Variants in ARHGEF9 observed in about 807,000 individuals in gnomAD.
ARHGEF9 encodes rho guanine nucleotide exchange factor 9.
A neutral mutation model predicts 41.3 loss-of-function variants in ARHGEF9; 2 were observed. That is an observed-to-expected ratio of 0.05 (90% confidence interval 0.02 to 0.15). The LOEUF (loss-of-function observed/expected upper bound fraction) is 0.15. ARHGEF9 is among the 10% of genes least tolerant of loss of function. The probability of loss-of-function intolerance (pLI) is 1.00; values close to 1 mark genes in which losing one functional copy is unlikely to be tolerated. For missense variants in ARHGEF9, 225 were observed against 424.7 expected (o/e 0.53, Z 4.13); for synonymous variants, 160 against 154.4 (o/e 1.04, Z -0.27).
intron 5 of ARHGEF9, among the ~76,000 whole-genome samples, chrX:63,675,654 G>A (rs374764933): frequency 8.0e-5 from 9 of 112,160 alleles, no homozygotes; most frequent in East Asian, 2.8e-4. Context: ...AAACATTTCC[G>A]TAGTAGAGCC....
At chrX:63,716,489 G>A (rs1261094115) in intron 2 of ARHGEF9, among the ~76,000 whole-genome samples, 3 of 111,297 alleles carry the variant, frequency 2.7e-5, no homozygotes, top group Non-Finnish European at 1.9e-5. Context: ...ACTCTTAGAG[G>A]ATGGGCTGAA....
At chrX:63,758,005 T>C (rs1229681772) in intron 1 of ARHGEF9, among the ~76,000 whole-genome samples, 1 of 112,507 alleles carries the variant, frequency 8.9e-6, no homozygotes, top group Admixed American at 9.4e-5. Flanking sequence ...CCAGAAGTCA[T>C]GTCTCTGTTG....
intron 8 of ARHGEF9, chrX:63,644,284 C>T: frequency 3.7e-6 from 1 of 267,953 alleles, no homozygotes. Flanking sequence ...GAATAGAGAG[C>T]CAAAAAAAGA....
chrX:63,641,602 C>T (rs1426444286), intron 9 of ARHGEF9: 1 of 111,288 alleles, frequency 9.0e-6, no homozygotes, highest in African/African-American at 3.3e-5. Flanking sequence ...ATAGATATTC[C>T]TTTGTTTGAA....
In ARHGEF9 at chrX:63,673,412, T is replaced by C. The variant is rs182807652; in HGVS notation, c.945+626A>G. ...CAAGACATATGTGAAATGTCATTAC[T>C]CCTGATACTTTTGGTGGGCATCTAG... On this transcript the variant is annotated intron_variant, in intron 6 of 9. Transcript: ENST00000671741. Among the ~76,000 whole-genome samples the C allele has an allele frequency of 2.7e-5, 3 of 111,447 alleles. No individual in the cohort carries two copies. In the East Asian group the frequency reaches 8.5e-4, roughly 32 times the overall value.
chrX:63,667,399 G>A (rs73627857), intron 6 of ARHGEF9, among the ~76,000 whole-genome samples: 2 of 111,211 alleles, frequency 1.8e-5, no homozygotes, highest in Non-Finnish European at 3.8e-5. Flanking sequence ...TGGAGAACCC[G>A]TTCCTTCCTC....
At chrX:63,717,874 T>G (rs781855713) in intron 2 of ARHGEF9, among the ~76,000 whole-genome samples, 28 of 111,391 alleles carry the variant, frequency 2.5e-4, no homozygotes, top group Admixed American at 6.7e-4. Flanking sequence ...ATGGAAAGGC[T>G]CTGATTCTAA....
intron 2 of ARHGEF9, chrX:63,715,942 C>T (rs1381682870): frequency 8.9e-6 from 1 of 111,844 alleles, no homozygotes; most frequent in African/African-American, 3.3e-5. Context: ...GAATTGTATA[C>T]TTTAAAATGA....
At chrX:63,644,144 G>T in intron 8 of ARHGEF9, 96 bp from the exon 9 acceptor site, 1 of 506,250 alleles carries the variant, frequency 2.0e-6, no homozygotes, top group Non-Finnish European at 2.9e-6. Flanking sequence ...GATTTGCTAA[G>T]ACATATAAAA....
chrX:63,646,992 A>C lies in ARHGEF9; in HGVS notation c.1322-2944T>G, dbSNP rs782485115. On this transcript the variant is annotated intron_variant, in intron 8 of 9. Transcript: ENST00000671741. ...TAGGTATTTTATTCTCTTTGAAGCA[A>C]TTGTGAATGGGAGTTCACTCATGAT... is the stretch of plus-strand genomic sequence containing the variant. Among the ~76,000 whole-genome samples the C allele has an allele frequency of 2.7e-4, 30 of 111,481 alleles. 1 individual carries two copies. The East Asian group carries it at 8.2e-3, about 31-fold the overall frequency.
chrX:63,651,628 T>G (rs1416660343), intron 8 of ARHGEF9, among the ~76,000 whole-genome samples: 1 of 111,274 alleles, frequency 9.0e-6, no homozygotes, highest in African/African-American at 3.3e-5. Flanking sequence ...AATCAGGAAA[T>G]TTTATAGTTT....
intron 1 of ARHGEF9, chrX:63,767,420 T>G: frequency 2.6e-6 from 1 of 381,078 alleles, no homozygotes; most frequent in Non-Finnish European, 4.8e-6. Flanking sequence ...TTTAAAAAAT[T>G]TTTGTTTATG....
Position 63,785,178 on chromosome X carries a change from C to A in ARHGEF9, c.-33G>T. 8.6e-7 allele frequency: 1 copy of A among 1,160,458 alleles called. No individual in the cohort carries two copies. ...GCGAAGTCCGGCTTCTCTGAGGCCC[C>A]GTAGCTGGCGCGAGTTGTCGCGGGC... is the stretch of plus-strand genomic sequence containing the variant. On this transcript the variant is annotated 5_prime_UTR_variant, in exon 1 of 10. Coordinates refer to ENST00000671741, the MANE Select transcript of ARHGEF9 (RefSeq NM_001353921.2).
At chrX:63,726,329 T>C (rs782082762) in intron 1 of ARHGEF9, among the ~76,000 whole-genome samples, 3 of 112,115 alleles carry the variant, frequency 2.7e-5, no homozygotes, top group Admixed American at 9.4e-5. Flanking sequence ...TTACCATTCA[T>C]TCATTCATTC....
chrX:63,724,661 G>A lies in ARHGEF9; in HGVS notation c.81C>T (p.Val27=). The stretch of plus-strand genomic sequence containing the variant: ...ATGCCAACTCCCGGTTGGCCATGGT[G>A]ACGTGATCCCATACTGCCTCAGCAC... ...IVSAEAVWDH[V]TMANRELAFK... is the part of the protein sequence containing the mutation. The change falls in exon 2 of 10, where the codon GTC becomes GTT. Residue 27 remains valine, a synonymous_variant. Transcript: ENST00000671741. The A allele has an allele frequency of 8.3e-7, 1 of 1,211,609 alleles. No homozygotes were observed. The highest frequency in any genetic ancestry group is 1.1e-6 in the Non-Finnish European group (1 of 895,426).
chrX:63,766,367 CT>C (rs1251554243), intron 1 of ARHGEF9, among the ~76,000 whole-genome samples: 2 of 112,029 alleles, frequency 1.8e-5, no homozygotes, highest in Non-Finnish European at 3.8e-5. Flanking sequence ...GGAATGACTT[CT>C]GAAGTGTTTT....
At chrX:63,682,187 G>T (rs1354271687) in intron 4 of ARHGEF9, among the ~76,000 whole-genome samples, 3 of 108,926 alleles carry the variant, frequency 2.8e-5, no homozygotes, top group Non-Finnish European at 3.8e-5. Flanking sequence ...GAACTAAAGG[G>T]AATACTCCCA....
chrX:63,668,008 C>T (rs1225312196), intron 6 of ARHGEF9, among the ~76,000 whole-genome samples: 1 of 111,660 alleles, frequency 9.0e-6, no homozygotes, highest in Non-Finnish European at 1.9e-5. Flanking sequence ...GAGCCAATGC[C>T]ATAAGAAGAT....
At chrX:63,681,237 G>A (rs1204564154) in intron 4 of ARHGEF9, among the ~76,000 whole-genome samples, 1 of 111,563 alleles carries the variant, frequency 9.0e-6, no homozygotes, top group Non-Finnish European at 1.9e-5. Flanking sequence ...CCCAAACTAG[G>A]GATTCTAGTC....
Sources: allele counts gnomAD v4.1 joint callset (sites outside exome capture counted in the v4.1 genomes callset), GRCh38; gene constraint gnomAD v4.1.1; transcripts MANE v1.5; gene names NCBI Gene and HGNC (gene_info 2026-07-23, HGNC 2026-07-21).